ASTN1: variants seen among roughly 807,000 people sequenced by gnomAD.
ASTN1 encodes the protein astrotactin 1, also known as astrotactin-1.
A neutral mutation model predicts 140.7 loss-of-function variants in ASTN1; 41 were observed. That is an observed-to-expected ratio of 0.29 (90% confidence interval 0.23 to 0.38). ASTN1 has a LOEUF of 0.38. Among genes scored for constraint, ASTN1 ranks in the 10% least tolerant of loss-of-function variants. The probability of loss-of-function intolerance (pLI) is 1.00; values close to 1 mark genes in which losing one functional copy is unlikely to be tolerated. For missense variants in ASTN1, 1,479 were observed against 1,678.8 expected (o/e 0.88, Z 2.08); for synonymous variants, 640 against 652.2 (o/e 0.98, Z 0.29).
chr1:177,110,534 A>G (rs1041901828), intron 1 of ASTN1, among the ~76,000 whole-genome samples: 2 of 152,188 alleles, frequency 1.3e-5, no homozygotes, highest in Non-Finnish European at 2.9e-5. Context: ...ATCCCCAGAA[A>G]TGGTTAGAAT....
intron 19 of ASTN1, among the ~76,000 whole-genome samples, chr1:176,883,343 C>T (rs1362560555): frequency 6.6e-6 from 1 of 151,914 alleles, no homozygotes. Context: ...AGCAATTCCC[C>T]TGCCTCAGCC....
At chr1:177,158,237 CT>C (rs1683324171) in intron 1 of ASTN1, among the ~76,000 whole-genome samples, 1 of 152,108 alleles carries the variant, frequency 6.6e-6, no homozygotes, top group South Asian at 2.1e-4. Flanking sequence ...TGTACAAATA[CT>C]TTGGGTTTTT....
At chr1:176,912,239 A>T (rs570951939) in intron 16 of ASTN1, among the ~76,000 whole-genome samples, 12 of 152,294 alleles carry the variant, frequency 7.9e-5, no homozygotes, top group South Asian at 2.1e-4. Context: ...TCAGATAGGA[A>T]ATATTTTTGG....
chr1:177,028,382 G>A (rs1247671361), intron 5 of ASTN1, among the ~76,000 whole-genome samples: 1 of 152,138 alleles, frequency 6.6e-6, no homozygotes, highest in Non-Finnish European at 1.5e-5. Flanking sequence ...AATACCCAGA[G>A]CCACAATGAT....
intron 13 of ASTN1, among the ~76,000 whole-genome samples, chr1:176,944,766 T>A (rs1052847947): frequency 1.3e-5 from 2 of 152,164 alleles, no homozygotes; most frequent in African/African-American, 4.8e-5. Context: ...CCTGACCTCC[T>A]CTCGACAAGA....
chr1:176,984,637 G>A (rs1466312777), intron 8 of ASTN1, among the ~76,000 whole-genome samples: 1 of 152,170 alleles, frequency 6.6e-6, no homozygotes, highest in African/African-American at 2.4e-5. Context: ...TTCTAGGGAA[G>A]ACCATTCTAT....
chr1:176,979,626 G>A (rs1673519831), intron 8 of ASTN1, among the ~76,000 whole-genome samples: 1 of 152,144 alleles, frequency 6.6e-6, no homozygotes, highest in Non-Finnish European at 1.5e-5. Flanking sequence ...GACCCTGTGA[G>A]CCTTCTTGTC....
intron 1 of ASTN1, among the ~76,000 whole-genome samples, chr1:177,065,807 G>A (rs1678325218): frequency 6.6e-6 from 1 of 152,140 alleles, no homozygotes; most frequent in East Asian, 1.9e-4. Flanking sequence ...ATAAAGCAGA[G>A]GAATGAACTA....
intron 8 of ASTN1, among the ~76,000 whole-genome samples, chr1:177,002,035 T>A (rs1674752126): frequency 6.6e-6 from 1 of 152,168 alleles, no homozygotes; most frequent in South Asian, 2.1e-4. Context: ...GTTAATGCAG[T>A]CTTAGGGCCT....
intron 5 of ASTN1, among the ~76,000 whole-genome samples, chr1:177,026,528 C>A (rs1034426542): frequency 2.0e-5 from 3 of 152,146 alleles, no homozygotes; most frequent in African/African-American, 7.2e-5. Flanking sequence ...ATGTTCCCAG[C>A]AGTGGGATTG....
chr1:176,891,415 TG>T (rs1346278863), intron 17 of ASTN1, among the ~76,000 whole-genome samples: 1 of 152,206 alleles, frequency 6.6e-6, no homozygotes, highest in Non-Finnish European at 1.5e-5. Flanking sequence ...ACTGGGATTC[TG>T]GAGAAGAAAA....
At chr1:177,057,543 C>T (rs1485233099) in intron 2 of ASTN1, among the ~76,000 whole-genome samples, 4 of 152,084 alleles carry the variant, frequency 2.6e-5, no homozygotes, top group Non-Finnish European at 4.4e-5. Context: ...ACCATTAATT[C>T]CCTCTTGCAC....
Position 177,118,912 on chromosome 1 carries a change from G to A in ASTN1, c.283+45482C>T, listed in dbSNP as rs114280189. On this transcript the variant is annotated intron_variant, in intron 1 of 22. Transcript: ENST00000361833. ...ACTGGGTGGGAGGCCTTGGGAACAC[G>A]TCAAGAAACAAAAATCATAATTTGA... is the stretch of plus-strand genomic sequence containing the variant. Among the ~76,000 whole-genome samples the A allele has an allele frequency of 3.7e-3, 561 of 152,232 alleles. 4 individuals are homozygous for A. Among genetic ancestry groups the A allele is most frequent in the South Asian group, 0.012 (57 of 4,824 alleles).
chr1:176,921,383 A>C (rs755016198), intron 16 of ASTN1, among the ~76,000 whole-genome samples: 1 of 152,226 alleles, frequency 6.6e-6, no homozygotes, highest in Non-Finnish European at 1.5e-5. Flanking sequence ...AAGGGGTTCC[A>C]TTATTTGTTG....
intron 1 of ASTN1, among the ~76,000 whole-genome samples, chr1:177,105,622 G>A (rs1680512276): frequency 1.3e-5 from 2 of 151,320 alleles, no homozygotes; most frequent in Non-Finnish European, 2.9e-5. Context: ...CACTAGGCTG[G>A]AAGAGACAAT....
intron 8 of ASTN1, among the ~76,000 whole-genome samples, chr1:177,014,097 A>G (rs566396687): frequency 1.3e-5 from 2 of 152,232 alleles, no homozygotes; most frequent in East Asian, 3.9e-4. Context: ...ATGCTTGCAT[A>G]ATGTGAATTT....
intron 1 of ASTN1, among the ~76,000 whole-genome samples, chr1:177,123,576 T>A (rs1213565940): frequency 6.6e-6 from 1 of 152,182 alleles, no homozygotes; most frequent in Non-Finnish European, 1.5e-5. Context: ...CCAAAGATGG[T>A]GACCACAGAT....
chr1:176,951,807 T>G (rs1449981666), intron 11 of ASTN1, among the ~76,000 whole-genome samples: 1 of 152,238 alleles, frequency 6.6e-6, no homozygotes, highest in African/African-American at 2.4e-5. Context: ...TTTTATTTTT[T>G]TACTTATCAA....
rs1156973340 is a variant in ASTN1, at chr1:176,877,773, T to C, written c.3363-1136A>G. On this transcript the variant is annotated intron_variant, in intron 20 of 22. Transcript: ENST00000361833. The stretch of plus-strand genomic sequence containing the variant: ...GCTGTGTCACCACAGGAGGCTGCAT[T>C]TATTGGCAATTATTTTGTTTTCTTT... Among the ~76,000 whole-genome samples the C allele has an allele frequency of 2.6e-5, 4 of 152,250 alleles. No individual in the cohort carries two copies. The East Asian group carries it at 7.7e-4, about 29-fold the overall frequency.
Sources: allele counts gnomAD v4.1 joint callset (sites outside exome capture counted in the v4.1 genomes callset), GRCh38; gene constraint gnomAD v4.1.1; transcripts MANE v1.5; gene names NCBI Gene and HGNC (gene_info 2026-07-23, HGNC 2026-07-21).